The following EPS15 variants were observed in gnomAD, a reference collection of about 807,000 sequenced individuals.
EPS15 encodes epidermal growth factor receptor pathway substrate 15.
EPS15 carries 72 observed loss-of-function variants against 113.8 expected under a neutral mutation model. The observed-to-expected ratio is 0.63, with a 90% CI of 0.52 to 0.77. The LOEUF (loss-of-function observed/expected upper bound fraction) is 0.77. Among genes scored for constraint, EPS15 ranks in the 30% least tolerant of loss-of-function variants. EPS15 has a pLI of 0.00. For synonymous variants in EPS15, 344 were observed against 363.4 expected (o/e 0.95, Z 0.61); for missense variants, 1,048 against 1,045.8 (o/e 1.00, Z -0.03).
chr1:51,391,826 T>C (rs545471961), intron 21 of EPS15, among the ~76,000 whole-genome samples: 11 of 152,114 alleles, frequency 7.2e-5, no homozygotes, highest in Non-Finnish European at 1.5e-4. Context: ...AGATGAACCA[T>C]GAAGATGTCG....
In EPS15 at chr1:51,431,727, G is replaced by A. The variant is rs144746875; in HGVS notation, c.1040+8620C>T. ...CTCCCAAAGTGCTGGGATTACAGGCGTGAGTTACCGCGCCTGGCCAGAAAT... is the reference window on the plus strand; with the variant it reads ...CTCCCAAAGTGCTGGGATTACAGGCATGAGTTACCGCGCCTGGCCAGAAAT... On this transcript the variant is annotated intron_variant, in intron 12 of 24. Transcript: ENST00000371733. Among the ~76,000 whole-genome samples the A allele has an allele frequency of 1.1e-3, 166 of 152,204 alleles. 1 individual carries two copies. Among genetic ancestry groups the A allele is most frequent in the African/African-American group, 3.9e-3 (162 of 41,532 alleles).
At chr1:51,467,403 T>C (rs1654920448) in intron 5 of EPS15, among the ~76,000 whole-genome samples, 1 of 152,216 alleles carries the variant, frequency 6.6e-6, no homozygotes, top group Non-Finnish European at 1.5e-5. Context: ...ATTTTTTTAA[T>C]AATGAAAGAT....
At chr1:51,480,665 C>A (rs145666366) in intron 2 of EPS15, among the ~76,000 whole-genome samples, 2 of 152,270 alleles carry the variant, frequency 1.3e-5, no homozygotes, top group African/African-American at 4.8e-5. Flanking sequence ...AGGCATGCAC[C>A]ACCAAACCCA....
chr1:51,414,198 G>T (rs1251543324), intron 13 of EPS15, among the ~76,000 whole-genome samples: 2 of 152,116 alleles, frequency 1.3e-5, no homozygotes, highest in East Asian at 3.9e-4. Context: ...GATGACCTGA[G>T]GTCAGGAGTT....
intron 21 of EPS15, among the ~76,000 whole-genome samples, chr1:51,378,115 T>C (rs1646846776): frequency 6.6e-6 from 1 of 152,104 alleles, no homozygotes; most frequent in Admixed American, 6.6e-5. Context: ...CAGGCTGGTC[T>C]TGAACTCCTG....
At chr1:51,410,400 A>AG (rs1348247124) in intron 13 of EPS15, among the ~76,000 whole-genome samples, 1 of 152,136 alleles carries the variant, frequency 6.6e-6, no homozygotes, top group Non-Finnish European at 1.5e-5. Flanking sequence ...TCCAAAAAAA[A>AG]AAAAAAGAAA....
intron 22 of EPS15, among the ~76,000 whole-genome samples, chr1:51,364,668 A>G (rs962032265): frequency 6.6e-6 from 1 of 150,912 alleles, no homozygotes; most frequent in African/African-American, 2.4e-5. Flanking sequence ...TTATTTTTTT[A>G]ATTTTTATTT....
chr1:51,444,805 T>C (rs1652871570), intron 11 of EPS15, 84 bp downstream of exon 11: 7 of 1,330,480 alleles, frequency 5.3e-6, no homozygotes, highest in African/African-American at 1.5e-5. Flanking sequence ...TTCTCTTCTA[T>C]TTCATCCAAA....
intron 1 of EPS15, among the ~76,000 whole-genome samples, chr1:51,484,328 G>T (rs938891072): frequency 6.6e-6 from 1 of 152,222 alleles, no homozygotes; most frequent in Admixed American, 6.5e-5. Flanking sequence ...TTGGGAGGCC[G>T]AGGCAGGAGG....
intron 24 of EPS15, among the ~76,000 whole-genome samples, chr1:51,357,391 A>AATATATATATATAT (rs869072153): frequency 1.5e-5 from 1 of 65,730 alleles, no homozygotes; most frequent in Non-Finnish European, 2.6e-5. Flanking sequence ...AAAAAAAAAA[A>AATATATATATATAT]ATATATATAT....
At chr1:51,509,203 AG>A (rs1644576241) in intron 1 of EPS15, among the ~76,000 whole-genome samples, 1 of 150,342 alleles carries the variant, frequency 6.7e-6, no homozygotes, top group Admixed American at 6.6e-5. Context: ...TCTGAAACAG[AG>A]GATCAACCAT....
Position 51,512,986 on chromosome 1 carries a change from G to A in EPS15, c.33+6213C>T, listed in dbSNP as rs141947093. 3.7e-4 allele frequency among the ~76,000 whole-genome samples: 56 copies of A among 151,112 alleles called. 1 individual carries two copies. The East Asian group carries it at 0.011, about 29-fold the overall frequency. ...TAGGACTACGGGCACACACCACCAT[G>A]CCCAGCTAATTAAAAAAAATTTTTT... On this transcript the variant is annotated intron_variant, in intron 1 of 24. Transcript: ENST00000371733.
chr1:51,398,988 CTTA>C (rs755736396), intron 20 of EPS15, 41 bp downstream of exon 20: 62 of 1,568,956 alleles, frequency 4.0e-5, no homozygotes, highest in African/African-American at 3.4e-4. Flanking sequence ...GCTTAGGACA[CTTA>C]TTATCCATTT....
chr1:51,491,683 C>T (rs1644235361), intron 1 of EPS15, among the ~76,000 whole-genome samples: 1 of 148,564 alleles, frequency 6.7e-6, no homozygotes, highest in South Asian at 2.1e-4. Context: ...GAGAACAACT[C>T]TAAAGCTAGG....
intron 15 of EPS15, among the ~76,000 whole-genome samples, chr1:51,406,932 T>C (rs1649187308): frequency 6.6e-6 from 1 of 152,094 alleles, no homozygotes; most frequent in African/African-American, 2.4e-5. Flanking sequence ...GAAATAAGAA[T>C]TTAAGGTATA....
chr1:51,462,952 C>T (rs1654586988), intron 7 of EPS15, among the ~76,000 whole-genome samples: 2 of 145,558 alleles, frequency 1.4e-5, no homozygotes, highest in South Asian at 4.4e-4. Context: ...TCTCGGCTCA[C>T]TGCAACCACT....
At chr1:51,365,248 T>C (rs183132419) in intron 22 of EPS15, among the ~76,000 whole-genome samples, 9 of 152,362 alleles carry the variant, frequency 5.9e-5, no homozygotes, top group Admixed American at 2.6e-4. Flanking sequence ...ATGCTCAACA[T>C]TGACATTTCA....
chr1:51,435,990 T>C (rs1652119554), intron 12 of EPS15, among the ~76,000 whole-genome samples: 2 of 152,146 alleles, frequency 1.3e-5, no homozygotes, highest in African/African-American at 4.8e-5. Flanking sequence ...AGTGGTGGTA[T>C]GTTGAAGTAA....
intron 1 of EPS15, among the ~76,000 whole-genome samples, chr1:51,504,999 T>C (rs759509136): frequency 1.1e-4 from 17 of 152,016 alleles, no homozygotes; most frequent in Non-Finnish European, 2.1e-4. Context: ...TATATACCTG[T>C]AGTCCCAGCT....
Sources: gnomAD v4.1 joint callset for allele counts (sites outside exome capture counted in the v4.1 genomes callset) on GRCh38, gnomAD v4.1.1 for gene constraint, MANE v1.5 for transcripts, NCBI Gene and HGNC (gene_info 2026-07-23, HGNC 2026-07-21) for gene names.